Variants in PCDH15 observed in about 807,000 individuals in gnomAD.
The protein encoded by PCDH15 is protocadherin-15.
Under a neutral mutation model 178.5 loss-of-function variants are expected in PCDH15, and 129 were observed. The observed-to-expected ratio is 0.72, with a 90% CI of 0.63 to 0.84. PCDH15 has a LOEUF of 0.84. PCDH15 is among the 40% of genes least tolerant of loss of function. PCDH15 has a pLI of 0.00. For synonymous variants in PCDH15, 800 were observed against 732.0 expected (o/e 1.09, Z -1.50); for missense variants, 2,230 against 2,099.9 (o/e 1.06, Z -1.21).
intron 2 of PCDH15, among the ~76,000 whole-genome samples, chr10:55,499,187 G>T (rs1840599546): frequency 6.6e-6 from 1 of 151,510 alleles, no homozygotes; most frequent in South Asian, 2.1e-4. Flanking sequence ...TCCAAACCCA[G>T]ACTCCTGACC....
At chr10:54,373,250 T>C (rs1947942722) in intron 4 of PCDH15, among the ~76,000 whole-genome samples, 1 of 148,582 alleles carries the variant, frequency 6.7e-6, no homozygotes, top group South Asian at 2.2e-4. Context: ...TCATAAAGTA[T>C]AGGCAAAGTT....
intron 13 of PCDH15, among the ~76,000 whole-genome samples, chr10:54,176,415 GT>G (rs774185188): frequency 2.0e-5 from 3 of 152,118 alleles, no homozygotes; most frequent in Non-Finnish European, 1.5e-5. Context: ...ATTGTACTGT[GT>G]GTTAAAGATT....
intron 18 of PCDH15, among the ~76,000 whole-genome samples, chr10:54,024,910 AT>A (rs2093036808): frequency 6.6e-6 from 1 of 152,136 alleles, no homozygotes; most frequent in Admixed American, 6.6e-5. Flanking sequence ...AATAGATAAA[AT>A]TGTAAGCCAA....
At chr10:54,371,880 CA>C (rs1175387706) in intron 4 of PCDH15, among the ~76,000 whole-genome samples, 3 of 151,542 alleles carry the variant, frequency 2.0e-5, no homozygotes, top group Non-Finnish European at 4.4e-5. Flanking sequence ...AAAGAAAAAT[CA>C]GGAGGAAAAA....
chr10:53,859,922 A>C (rs2133071838), intron 27 of PCDH15, among the ~76,000 whole-genome samples: 1 of 152,300 alleles, frequency 6.6e-6, no homozygotes, highest in Non-Finnish European at 1.5e-5. Flanking sequence ...ACAGGATTTA[A>C]TCAAGGAAAT....
At chr10:53,843,501 T>C (rs1413973326) in intron 28 of PCDH15, among the ~76,000 whole-genome samples, 1 of 152,032 alleles carries the variant, frequency 6.6e-6, no homozygotes, top group Non-Finnish European at 1.5e-5. Context: ...TCAAGAAAGA[T>C]GTCCATAATG....
At chr10:53,945,835 T>TTGTG (rs1325366877) in intron 23 of PCDH15, among the ~76,000 whole-genome samples, 1 of 92,362 alleles carries the variant, frequency 1.1e-5, no homozygotes, top group African/African-American at 4.5e-5. Flanking sequence ...TAATATTTCA[T>TTGTG]TGTATATATA....
chr10:54,299,305 C>G (rs1206473518), intron 8 of PCDH15, among the ~76,000 whole-genome samples: 1 of 149,112 alleles, frequency 6.7e-6, no homozygotes, highest in South Asian at 2.1e-4. Context: ...GAGGAAGAGA[C>G]AAAGAGGGAG....
rs371054382 is a variant in PCDH15, at chr10:54,342,559, G to A, written c.594+3806C>T. On this transcript the variant is annotated intron_variant, in intron 6 of 37. Coordinates refer to ENST00000644397, the MANE Select transcript of PCDH15 (RefSeq NM_001384140.1). ...AAAACATCTACTAGCATAATGCAGAGGGAAAAAGTGGAATTGGAGTCCCCA... is the reference window on the plus strand; with the variant it reads ...AAAACATCTACTAGCATAATGCAGAAGGAAAAAGTGGAATTGGAGTCCCCA... 3.5e-4 allele frequency among the ~76,000 whole-genome samples: 48 copies of A among 136,032 alleles called. 3 individuals carry two copies. In the South Asian group the frequency reaches 0.011, roughly 31 times the overall value. The allele number at this position is 136,032 out of a possible 152,430, so 89.2% of individuals were successfully genotyped here.
At chr10:54,602,048 A>G (rs756123167) in intron 2 of PCDH15, among the ~76,000 whole-genome samples, 8 of 151,942 alleles carry the variant, frequency 5.3e-5, no homozygotes, top group Non-Finnish European at 1.2e-4. Context: ...CTTAGTACAC[A>G]GGTGATTAAA....
chr10:54,856,634 C>T (rs1247737227), intron 3 of PCDH15, among the ~76,000 whole-genome samples: 1 of 152,136 alleles, frequency 6.6e-6, no homozygotes, highest in East Asian at 1.9e-4. Context: ...GACTTTTGAT[C>T]ACTCACCCTG....
intron 2 of PCDH15, among the ~76,000 whole-genome samples, chr10:55,545,447 T>C (rs1303651900): frequency 2.0e-5 from 3 of 151,810 alleles, no homozygotes; most frequent in Admixed American, 1.3e-4. Context: ...GGCTAATTTT[T>C]GTATTTTTAG....
intron 2 of PCDH15, among the ~76,000 whole-genome samples, chr10:54,573,209 T>C (rs2090046260): frequency 6.6e-6 from 1 of 152,148 alleles, no homozygotes. Context: ...AAGAGAAGTA[T>C]TGCCTATTAT....
intron 2 of PCDH15, among the ~76,000 whole-genome samples, chr10:55,402,062 A>G (rs1170427912): frequency 2.0e-5 from 3 of 152,042 alleles, no homozygotes; most frequent in African/African-American, 7.2e-5. Flanking sequence ...AGCTGGGTAC[A>G]TATTTCTGTT....
intron 1 of PCDH15, among the ~76,000 whole-genome samples, chr10:55,311,657 G>GT (rs1338087539): frequency 1.3e-5 from 2 of 152,212 alleles, no homozygotes; most frequent in African/African-American, 4.8e-5. Context: ...AGATCAGGTA[G>GT]TAGGTAGGCA....
chr10:54,987,789 T>C (rs183984990), intron 2 of PCDH15, among the ~76,000 whole-genome samples: 1 of 151,814 alleles, frequency 6.6e-6, no homozygotes, highest in African/African-American at 2.4e-5. Flanking sequence ...GATTGCAAAA[T>C]TTTTTTTCCC....
chr10:54,590,382 T>G (rs943727722), intron 2 of PCDH15, among the ~76,000 whole-genome samples: 1 of 152,158 alleles, frequency 6.6e-6, no homozygotes, highest in African/African-American at 2.4e-5. Context: ...GTCCAAAAAT[T>G]ACCTCTTGCT....
chr10:55,179,843 G>A (rs1201029847), intron 1 of PCDH15, among the ~76,000 whole-genome samples: 1 of 151,840 alleles, frequency 6.6e-6, no homozygotes, highest in Non-Finnish European at 1.5e-5. Flanking sequence ...GGAGAGAAGT[G>A]GCAACTGGGT....
At chr10:55,266,945 C>T (rs1456540388) in intron 1 of PCDH15, among the ~76,000 whole-genome samples, 1 of 152,204 alleles carries the variant, frequency 6.6e-6, no homozygotes, top group Non-Finnish European at 1.5e-5. Flanking sequence ...CAGCTGTTAA[C>T]ATTTACCCCT....
Sources: gnomAD v4.1 joint callset for allele counts (sites outside exome capture counted in the v4.1 genomes callset) on GRCh38, gnomAD v4.1.1 for gene constraint, MANE v1.5 for transcripts, NCBI Gene and HGNC (gene_info 2026-07-23, HGNC 2026-07-21) for gene names.